ST7: variants seen among roughly 807,000 people sequenced by gnomAD.
ST7 encodes the protein suppressor of tumorigenicity 7 protein.
In ST7, 28 loss-of-function variants were observed where a neutral mutation model predicts 78.7. That is an observed-to-expected ratio of 0.36 (90% confidence interval 0.26 to 0.49). The LOEUF is 0.49. ST7 is among the 20% of genes least tolerant of loss of function. The pLI is 0.99. For synonymous variants in ST7, 247 were observed against 249.6 expected (o/e 0.99, Z 0.10); for missense variants, 418 against 696.0 (o/e 0.60, Z 4.49).
At chr7:117,129,909 A>G (rs1386350397) in intron 4 of ST7, 62 bp downstream of exon 4, 5 of 1,403,742 alleles carry the variant, frequency 3.6e-6, no homozygotes, top group African/African-American at 1.4e-5. Context: ...GACAGCAGCA[A>G]ATGTTTTTGC....
At chr7:117,183,929 A>G (rs1009762652) in intron 10 of ST7, among the ~76,000 whole-genome samples, 1 of 152,264 alleles carries the variant, frequency 6.6e-6, no homozygotes, top group Non-Finnish European at 1.5e-5. Flanking sequence ...AAAAGAATGA[A>G]TGACTGACAC....
intron 2 of ST7, among the ~76,000 whole-genome samples, chr7:117,105,479 C>T (rs1158629670): frequency 2.0e-5 from 3 of 152,202 alleles, no homozygotes; most frequent in African/African-American, 7.2e-5. Flanking sequence ...ATGGAGTCTC[C>T]CTATATTGCC....
intron 1 of ST7, among the ~76,000 whole-genome samples, chr7:117,053,121 C>T (rs1352896308): frequency 6.6e-6 from 1 of 152,040 alleles, no homozygotes; most frequent in Non-Finnish European, 1.5e-5. Context: ...TGTTGTTCTT[C>T]GTAGAGAAAT....
At chr7:117,208,548 G>A (rs1207856415) in intron 12 of ST7, among the ~76,000 whole-genome samples, 1 of 152,098 alleles carries the variant, frequency 6.6e-6, no homozygotes, top group Non-Finnish European at 1.5e-5. Flanking sequence ...CTCCTGCTGG[G>A]CCATACACCT....
chr7:117,026,520 GTAAT>G (rs777948954), intron 1 of ST7, among the ~76,000 whole-genome samples: 10 of 152,282 alleles, frequency 6.6e-5, no homozygotes, highest in Non-Finnish European at 8.8e-5. Context: ...ATTTGTATTA[GTAAT>G]TAATTCAGAT....
chr7:117,098,917 C>G (rs1317433230), intron 1 of ST7: 4 of 1,071,114 alleles, frequency 3.7e-6, no homozygotes, highest in East Asian at 6.1e-5. Context: ...GTAAGTGAAC[C>G]CTAATCAGTG....
Position 117,142,293 on chromosome 7 carries a change from A to G in ST7, c.963+3761A>G, listed in dbSNP as rs17139393. Among the ~76,000 whole-genome samples, 764 of 152,234 alleles carry G rather than the reference A, an allele frequency of 5.0e-3. 7 individuals are homozygous for G. Among genetic ancestry groups the G allele is most frequent in the African/African-American group, 0.018 (732 of 41,538 alleles). ...AATAAGGATGGGATAGATTGCCTGT[A>G]TGAAAGAACTCAAAAGCTGCTGTGC... is the stretch of plus-strand genomic sequence containing the variant. On this transcript the variant is annotated intron_variant, in intron 9 of 15. Coordinates refer to ENST00000323984, the MANE Select transcript of ST7 (RefSeq NM_001369598.1).
intron 1 of ST7, among the ~76,000 whole-genome samples, chr7:116,964,382 A>G (rs1184944321): frequency 6.6e-6 from 1 of 152,320 alleles, no homozygotes; most frequent in South Asian, 2.1e-4. Context: ...CGTTCCTAAT[A>G]GAGCTAATAA....
chr7:117,068,965 G>A (rs1798781031), intron 1 of ST7, among the ~76,000 whole-genome samples: 1 of 152,310 alleles, frequency 6.6e-6, no homozygotes. Flanking sequence ...ATCTTTTGAG[G>A]CAGGTTAAAA....
chr7:117,218,671 T>C (rs1792870695), intron 13 of ST7, among the ~76,000 whole-genome samples: 1 of 152,242 alleles, frequency 6.6e-6, no homozygotes, highest in African/African-American at 2.4e-5. Context: ...TGTACATCTA[T>C]ACAAACTCCA....
chr7:117,108,428 T>C (rs768080413), intron 2 of ST7, among the ~76,000 whole-genome samples: 15 of 152,198 alleles, frequency 9.9e-5, no homozygotes, highest in Non-Finnish European at 1.9e-4. Flanking sequence ...TCTGGGTTCT[T>C]CATTCTGTTT....
intron 15 of ST7, among the ~76,000 whole-genome samples, chr7:117,226,120 A>G (rs1793429533): frequency 6.6e-6 from 1 of 152,028 alleles, no homozygotes; most frequent in Admixed American, 6.5e-5. Context: ...TTGAAGCCTG[A>G]TATTGATTAC....
chr7:116,972,541 C>T, intron 1 of ST7: 1 of 1,242,320 alleles, frequency 8.0e-7, no homozygotes, highest in Admixed American at 1.7e-5. Context: ...TTCATATTTC[C>T]TATTTGCCTC....
At chr7:117,030,035 A>G (rs1221301548) in intron 1 of ST7, among the ~76,000 whole-genome samples, 1 of 152,048 alleles carries the variant, frequency 6.6e-6, no homozygotes, top group Non-Finnish European at 1.5e-5. Flanking sequence ...GCATTTTTAA[A>G]TTTGCTTGTC....
intron 9 of ST7, among the ~76,000 whole-genome samples, chr7:117,149,890 C>T (rs1338558605): frequency 2.6e-5 from 4 of 152,042 alleles, no homozygotes; most frequent in African/African-American, 9.7e-5. Flanking sequence ...GGGCAACTGG[C>T]TTATCATTTA....
intron 1 of ST7, chr7:116,967,447 T>C (rs10259502): frequency 1 from 469,772 of 470,752 alleles, 234,404 homozygotes; most frequent in East Asian, 1. Context: ...GTCAGGCAGC[T>C]TGTGCAGGTC....
chr7:117,090,236 AACACACACACACACACAGAC>A (rs1563073253), intron 1 of ST7, among the ~76,000 whole-genome samples: 3 of 139,842 alleles, frequency 2.1e-5, no homozygotes, highest in Non-Finnish European at 4.7e-5. Flanking sequence ...TAAGGATAGA[AACACACACACACACACAGAC>A]ACACACACAC....
chr7:117,066,375 G>T (rs2116477073), intron 1 of ST7, among the ~76,000 whole-genome samples: 1 of 152,266 alleles, frequency 6.6e-6, no homozygotes, highest in East Asian at 1.9e-4. Flanking sequence ...TCAACAAATA[G>T]ATATTGAACA....
chr7:117,219,995 G>C lies in ST7; in HGVS notation c.1498+819G>C, dbSNP rs973208528. Among the ~76,000 whole-genome samples the C allele has an allele frequency of 6.6e-6, 1 of 152,176 alleles. No homozygotes were observed. Among genetic ancestry groups the C allele is most frequent in the Admixed American group, 6.5e-5 (1 of 15,286 alleles). ...TATATTTTTCTCCCTCAGATAATAA[G>C]CTCCAAATTTTAGCTCTTCTCCCTT... On this transcript the variant is annotated intron_variant, in intron 14 of 15. Transcript: ENST00000323984. This position sits in a 1 kb window ranked among gnomAD's most constrained non-coding sequence, Gnocchi z 5.1.
Sources: allele counts gnomAD v4.1 joint callset (sites outside exome capture counted in the v4.1 genomes callset), GRCh38; gene constraint gnomAD v4.1.1; non-coding constraint Gnocchi (gnomAD v3.1); transcripts MANE v1.5; gene names NCBI Gene and HGNC (gene_info 2026-07-23, HGNC 2026-07-21).